PCCA: variants seen among roughly 807,000 people sequenced by gnomAD.
PCCA encodes the protein propionyl-CoA carboxylase subunit alpha, also known as propionyl-CoA carboxylase alpha chain, mitochondrial.
PCCA carries 74 observed loss-of-function variants against 101.3 expected under a neutral mutation model. That is an observed-to-expected ratio of 0.73 (90% confidence interval 0.61 to 0.89). The LOEUF (loss-of-function observed/expected upper bound fraction) is 0.89. Ranked by LOEUF, PCCA falls within the 40% of genes least tolerant of loss-of-function variation. The pLI is 0.00. For synonymous variants in PCCA, 294 were observed against 313.6 expected (o/e 0.94, Z 0.66); for missense variants, 891 against 907.0 (o/e 0.98, Z 0.23).
intron 7 of PCCA, among the ~76,000 whole-genome samples, chr13:100,220,050 C>A (rs1316547249): frequency 6.6e-6 from 1 of 152,058 alleles, no homozygotes; most frequent in African/African-American, 2.4e-5. Context: ...TAAGGCTGTT[C>A]ACAAGAAGTG....
chr13:100,250,890 T>C (rs1473914300), intron 8 of PCCA, among the ~76,000 whole-genome samples: 2 of 152,210 alleles, frequency 1.3e-5, no homozygotes, highest in Admixed American at 1.3e-4. Context: ...GCTGTCTCTC[T>C]ACCCGTCACA....
chr13:100,186,427 G>A (rs1314009118), intron 6 of PCCA, among the ~76,000 whole-genome samples: 1 of 152,096 alleles, frequency 6.6e-6, no homozygotes, highest in Non-Finnish European at 1.5e-5. Flanking sequence ...TAATGGATGG[G>A]GAATGTATAG....
intron 21 of PCCA, among the ~76,000 whole-genome samples, chr13:100,482,997 G>GACTA (rs542005073): frequency 9.7e-4 from 148 of 152,214 alleles, no homozygotes; most frequent in African/African-American, 3.5e-3. Context: ...AGCAAAAAAT[G>GACTA]ACTACATCAT....
At chr13:100,232,049 G>T (rs919269648) in intron 7 of PCCA, among the ~76,000 whole-genome samples, 6 of 152,134 alleles carry the variant, frequency 3.9e-5, no homozygotes, top group Non-Finnish European at 2.9e-5. Context: ...CAGTGTAAGA[G>T]TTACTCTCTT....
chr13:100,314,155 G>T (rs1205848447), intron 16 of PCCA, among the ~76,000 whole-genome samples: 2 of 152,058 alleles, frequency 1.3e-5, no homozygotes, highest in Non-Finnish European at 2.9e-5. Context: ...AGGGTTGTAG[G>T]TGATAATTTG....
chr13:100,412,725 C>T (rs1406540542), intron 19 of PCCA, among the ~76,000 whole-genome samples: 1 of 151,998 alleles, frequency 6.6e-6, no homozygotes, highest in Non-Finnish European at 1.5e-5. Flanking sequence ...GAGTAAACGG[C>T]TGATTGTTAG....
At chr13:100,389,116 G>A (rs751510991) in intron 19 of PCCA, among the ~76,000 whole-genome samples, 1 of 152,192 alleles carries the variant, frequency 6.6e-6, no homozygotes, top group Non-Finnish European at 1.5e-5. Context: ...CAGTGAAGGA[G>A]GAAAATTGAG....
Position 100,111,979 on chromosome 13 carries a change from A to G in PCCA, c.232-14A>G. 1 of 1,592,264 alleles carries G rather than the reference A, an allele frequency of 6.3e-7. No individual in the cohort carries two copies. The highest frequency in any genetic ancestry group is 1.1e-5 in the South Asian group (1 of 90,420). On this transcript the variant is annotated splice_polypyrimidine_tract_variant and intron_variant, in intron 3 of 23. Coordinates refer to ENST00000376285, the MANE Select transcript of PCCA (RefSeq NM_000282.4). ...TGAATCACTATTAATAGACATTAAT[A>G]TATTTTAAAATAGGTTATTAGAACT...
intron 19 of PCCA, among the ~76,000 whole-genome samples, chr13:100,372,265 G>C (rs775258206): frequency 6.6e-6 from 1 of 152,134 alleles, no homozygotes; most frequent in Non-Finnish European, 1.5e-5. Flanking sequence ...GGCAGGAGAA[G>C]CTCTTCAACT....
rs8001596 is a variant in PCCA at position 100,328,638 on chromosome 13, C to T, written c.1430-1923C>T. Among the ~76,000 whole-genome samples, 424 of 145,636 alleles carry T rather than the reference C, an allele frequency of 2.9e-3. 1 individual carries two copies. Among genetic ancestry groups the T allele is most frequent in the African/African-American group, 0.01 (405 of 39,998 alleles). ...TAGTTATGAAAATAGGTTTGTGATT[C>T]ATTTGGAGTTAATTTTTTGTCTATG... is the stretch of plus-strand genomic sequence containing the variant. On this transcript the variant is annotated intron_variant, in intron 16 of 23. Transcript: ENST00000376285.
At chr13:100,169,669 A>C (rs1250560039) in intron 6 of PCCA, among the ~76,000 whole-genome samples, 3 of 150,170 alleles carry the variant, frequency 2.0e-5, no homozygotes, top group African/African-American at 7.3e-5. Flanking sequence ...CTGGAACTAC[A>C]GGTGAGCGCC....
intron 19 of PCCA, among the ~76,000 whole-genome samples, chr13:100,420,473 G>A (rs531448833): frequency 4.4e-4 from 67 of 152,146 alleles, no homozygotes; most frequent in African/African-American, 1.5e-3. Flanking sequence ...CCAGCTACAC[G>A]GGAGGCTGAG....
intron 10 of PCCA, among the ~76,000 whole-genome samples, chr13:100,263,954 G>A (rs2062720529): frequency 6.7e-6 from 1 of 150,010 alleles, no homozygotes; most frequent in South Asian, 2.1e-4. Context: ...TACGGTATCT[G>A]TATGTCATAT....
At chr13:100,412,784 A>G (rs1175124370) in intron 19 of PCCA, among the ~76,000 whole-genome samples, 2 of 152,142 alleles carry the variant, frequency 1.3e-5, no homozygotes, top group Non-Finnish European at 2.9e-5. Flanking sequence ...ATCAGTTTCT[A>G]TATCTCACCT....
chr13:100,222,881 C>G (rs1162783020), intron 7 of PCCA, among the ~76,000 whole-genome samples: 1 of 152,164 alleles, frequency 6.6e-6, no homozygotes, highest in East Asian at 1.9e-4. Flanking sequence ...TACATGGAGA[C>G]AGTTTACCCA....
chr13:100,465,768 G>A (rs2082468698), intron 21 of PCCA, among the ~76,000 whole-genome samples: 1 of 152,226 alleles, frequency 6.6e-6, no homozygotes, highest in South Asian at 2.1e-4. Flanking sequence ...ACACAGCTTG[G>A]TTGGGGAGAG....
intron 19 of PCCA, among the ~76,000 whole-genome samples, chr13:100,377,373 A>G (rs1313207605): frequency 6.6e-6 from 1 of 152,048 alleles, no homozygotes; most frequent in Non-Finnish European, 1.5e-5. Context: ...GGATGGAACA[A>G]TTTTTTCCAT....
intron 7 of PCCA, among the ~76,000 whole-genome samples, chr13:100,234,398 G>A (rs2060660362): frequency 6.6e-6 from 1 of 152,002 alleles, no homozygotes; most frequent in African/African-American, 2.4e-5. Flanking sequence ...GCATAGGGTG[G>A]GAGATATAGA....
At chr13:100,241,414 C>T (rs529122935) in intron 8 of PCCA, among the ~76,000 whole-genome samples, 254 of 152,202 alleles carry the variant, frequency 1.7e-3, no homozygotes, top group Middle Eastern at 3.4e-3. Context: ...CATGTTCTAC[C>T]GTTTATCCCT....
Sources: gnomAD v4.1 joint callset for allele counts (sites outside exome capture counted in the v4.1 genomes callset) on GRCh38, gnomAD v4.1.1 for gene constraint, MANE v1.5 for transcripts, NCBI Gene and HGNC (gene_info 2026-07-23, HGNC 2026-07-21) for gene names.